Variants in QSOX2 observed in about 807,000 individuals in gnomAD.
The protein encoded by QSOX2 is quiescin sulfhydryl oxidase 2.
A neutral mutation model predicts 61.7 loss-of-function variants in QSOX2; 46 were observed. The observed-to-expected ratio is 0.75, with a 90% CI of 0.59 to 0.95. The LOEUF is 0.95. Ranked by LOEUF, QSOX2 falls within the 40% of genes least tolerant of loss-of-function variation. The pLI is 0.00. For synonymous variants in QSOX2, 383 were observed against 388.4 expected, an observed-to-expected ratio of 0.99 and a Z score of 0.16; for missense variants, 879 against 918.9, an observed-to-expected ratio of 0.96 and a Z score of 0.56.
At position 136,211,353 on chromosome 9, in the gene QSOX2, G is replaced by C; in HGVS notation, c.1460C>G (p.Ala487Gly). Residue 487 changes from alanine to glycine, a missense_variant, in exon 11 of 12, where the codon GCT becomes GGT. By Grantham distance (60) the Ala-to-Gly change is moderately conservative. Coordinates refer to ENST00000358701, the MANE Select transcript of QSOX2 (RefSeq NM_181701.4). ...TTTCACCGAGTCCATGGATTCTTTA[G>C]CCATTTCCTCAAAGTGCTCACCACA... is the stretch of plus-strand genomic sequence containing the variant. ...KECGEHFEEM[A>G]KESMDSVKTP... 6.2e-7 allele frequency: 1 copy of C among 1,614,220 alleles called. No individual in the cohort carries two copies. The highest frequency in any genetic ancestry group is 8.5e-7 in the Non-Finnish European group (1 of 1,180,042).
Position 136,208,611 on chromosome 9 carries a change from G to C in QSOX2, c.*117C>G. The C allele has an allele frequency of 1.6e-6, 2 of 1,259,926 alleles. No individual in the cohort carries two copies. Among genetic ancestry groups the C allele is most frequent in the Non-Finnish European group, 2.1e-6 (2 of 937,704 alleles). The allele number at this position is 1,259,926 out of a possible 1,614,324, so 78.0% of individuals were successfully genotyped here. A position where few individuals can be genotyped will look rare whatever the true frequency, so the allele number is the denominator to read the frequency against. On this transcript the variant is annotated 3_prime_UTR_variant, in exon 12 of 12. Transcript: ENST00000358701. Reference sequence around the variant, plus strand: ...TTGAAGCCAAAAGGTGCCATCCGATGTGAAACCAGGCCCGCATGTTTATAA... The same window carrying C: ...TTGAAGCCAAAAGGTGCCATCCGATCTGAAACCAGGCCCGCATGTTTATAA...
At chr9:136,245,408 G>A in intron 1 of QSOX2, 68 bp downstream of exon 1, 2 of 1,387,974 alleles carry the variant, frequency 1.4e-6, no homozygotes, top group Non-Finnish European at 1.9e-6. Flanking sequence ...TTCTGGGGCG[G>A]TCGCAAGGGG....
At chr9:136,229,423 T>C (rs1830311017) in intron 1 of QSOX2, among the ~76,000 whole-genome samples, 1 of 152,370 alleles carries the variant, frequency 6.6e-6, no homozygotes, top group East Asian at 1.9e-4. Context: ...AGTGTCTCAT[T>C]TCTGTGGCCT....
Position 136,245,787 on chromosome 9 carries a change from GC to G in QSOX2, c.16del (p.Ala6ArgfsTer15). 2 of 1,153,880 alleles carry G rather than the reference GC, an allele frequency of 1.7e-6. No individual in the cohort carries two copies. Among genetic ancestry groups the G allele is most frequent in the Non-Finnish European group, 2.1e-6 (2 of 934,928 alleles). The allele number at this position is 1,153,880 out of a possible 1,614,324, so 71.5% of individuals were successfully genotyped here. A position where few individuals can be genotyped will look rare whatever the true frequency, so the allele number is the denominator to read the frequency against. On this transcript the variant is annotated frameshift_variant, in exon 1 of 12. Coordinates refer to ENST00000358701, the MANE Select transcript of QSOX2 (RefSeq NM_181701.4). LOFTEE classifies it high-confidence loss of function. ...GATTCCCGGGCTGCGCGCCACCGCCGCCCCGGCCGCCGCCATGTTGGAAGTG... is the reference window on the plus strand; with the variant it reads ...GATTCCCGGGCTGCGCGCCACCGCCGCCCGGCCGCCGCCATGTTGGAAGTG... Reference protein sequence around the residue: MAAAGAAVARSPGIGA... With the variant: MAAAGXAVARSPGIGA...
Position 136,245,448 on chromosome 9 carries a change from G to C in QSOX2, c.328+28C>G, listed in dbSNP as rs781833407. 42 of 1,566,466 alleles carry C rather than the reference G, an allele frequency of 2.7e-5. No individual in the cohort carries two copies. The South Asian group carries it at 4.6e-4, about 17-fold the overall frequency. On this transcript the variant is annotated intron_variant, in intron 1 of 11. Coordinates refer to ENST00000358701, the MANE Select transcript of QSOX2 (RefSeq NM_181701.4). ...GGAAGGCCGCGGTCCCGGGGGTCGG[G>C]GGGTCCCCGCGCGGGGGCGCGCCTC...
At chr9:136,227,755 G>A (rs535137885) in intron 1 of QSOX2, among the ~76,000 whole-genome samples, 52 of 152,080 alleles carry the variant, frequency 3.4e-4, no homozygotes, top group Non-Finnish European at 6.3e-4. Context: ...TGGGCAGATC[G>A]TTTAAGCCCA....
At position 136,209,330 on chromosome 9, in the gene QSOX2, G is replaced by A. The variant is rs1015971728; in HGVS notation, c.1550-55C>T. 1.5e-5 allele frequency: 23 copies of A among 1,569,264 alleles called. No homozygotes were observed. The highest frequency in any genetic ancestry group is 5.3e-5 in the Admixed American group (3 of 56,546). ...AGGGAAGGAGGCTTTGTGCAGCCACGTGCAGCGTGCGGCAACCGGACTCCC... is the reference window on the plus strand; with the variant it reads ...AGGGAAGGAGGCTTTGTGCAGCCACATGCAGCGTGCGGCAACCGGACTCCC... On this transcript the variant is annotated intron_variant, in intron 11 of 11. Coordinates refer to ENST00000358701, the MANE Select transcript of QSOX2 (RefSeq NM_181701.4). This position sits in a 1 kb window ranked among gnomAD's most constrained non-coding sequence, Gnocchi z 5.6.
At chr9:136,225,638 C>T (rs754994423) in intron 2 of QSOX2, among the ~76,000 whole-genome samples, 14 of 152,224 alleles carry the variant, frequency 9.2e-5, no homozygotes, top group African/African-American at 1.2e-4. Flanking sequence ...ACCCGGTTCG[C>T]GGCCCAGTGG....
In QSOX2 at chr9:136,224,013, G is replaced by C; in HGVS notation, c.578C>G (p.Pro193Arg). 1 of 1,613,340 alleles carries C rather than the reference G, an allele frequency of 6.2e-7. No individual in the cohort carries two copies. Among genetic ancestry groups the C allele is most frequent in the Non-Finnish European group, 8.5e-7 (1 of 1,179,428 alleles). ...SRPPACPRLD[P>R]IQPSDVLSLL... ...TCTTCATGGAGCTACTCACTGAATG[G>C]GGTCTAGGCGCGGGCAGGCAGGGGG... Residue 193 changes from proline (P) to arginine (R), a missense_variant, in exon 4 of 12, where the codon CCC (proline) becomes CGC (arginine). By Grantham distance (103) the Pro-to-Arg change is moderately radical (BLOSUM62 -2). Coordinates refer to ENST00000358701, the MANE Select transcript of QSOX2 (RefSeq NM_181701.4).
At position 136,224,898 on chromosome 9, in the gene QSOX2, T is replaced by C. The variant is rs542513184; in HGVS notation, c.441A>G (p.Ala147=). The part of the protein sequence containing the change: ...HFYPTFRYFK[A]FTKEFTTGEN... ...CTCCAGTTGTAAACTCCTTTGTAAA[T>C]GCTTTAAAATACTAAGAGGAAAAAC... The change falls in exon 3 of 12, where the codon GCA becomes GCG. Residue 147 remains alanine (A), a synonymous_variant. Coordinates refer to ENST00000358701, the MANE Select transcript of QSOX2 (RefSeq NM_181701.4). 4.4e-6 allele frequency: 7 copies of C among 1,605,318 alleles called. No homozygotes were observed. The South Asian group carries it at 7.8e-5, about 18-fold the overall frequency.
In QSOX2 at chr9:136,208,611, G is replaced by A; in HGVS notation, c.*117C>T. On this transcript the variant is annotated 3_prime_UTR_variant, in exon 12 of 12. Coordinates refer to ENST00000358701, the MANE Select transcript of QSOX2 (RefSeq NM_181701.4). ...TTGAAGCCAAAAGGTGCCATCCGATGTGAAACCAGGCCCGCATGTTTATAA... is the reference window on the plus strand; with the variant it reads ...TTGAAGCCAAAAGGTGCCATCCGATATGAAACCAGGCCCGCATGTTTATAA... 7.9e-7 allele frequency: 1 copy of A among 1,259,926 alleles called. No individual in the cohort carries two copies. The highest frequency in any genetic ancestry group is 1.7e-5 in the South Asian group (1 of 58,914). The allele number at this position is 1,259,926 out of a possible 1,614,324, so 78.0% of individuals were successfully genotyped here.
At chr9:136,213,342 A>G (rs1372629115) in intron 10 of QSOX2, among the ~76,000 whole-genome samples, 1 of 144,828 alleles carries the variant, frequency 6.9e-6, no homozygotes, top group African/African-American at 2.6e-5. Flanking sequence ...TGCTGGGATT[A>G]CAGGTGTGAG....
chr9:136,225,517 GC>G (rs1830272282), intron 2 of QSOX2, among the ~76,000 whole-genome samples: 1 of 152,238 alleles, frequency 6.6e-6, no homozygotes, highest in Non-Finnish European at 1.5e-5. Context: ...TGCTGGCACT[GC>G]AGCCGCCAGG....
chr9:136,224,221 G>A (rs1402704684), intron 3 of QSOX2, 109 bp from the exon 4 acceptor site: 1 of 799,836 alleles, frequency 1.3e-6, no homozygotes, highest in Non-Finnish European at 2.0e-6. Context: ...AAGACAGCAG[G>A]GTGCAGGTGG....
Position 136,224,848 on chromosome 9 carries a change from C to T in QSOX2, c.478+13G>A, listed in dbSNP as rs1830264841. ...GAATCTCAGGGACTAAAATACAATG[C>T]TTATGTCCTTACCTTTAAAATTTTC... On this transcript the variant is annotated intron_variant, in intron 3 of 11. Transcript: ENST00000358701. The T allele has an allele frequency of 2.6e-6, 4 of 1,565,518 alleles. No homozygotes were observed. In the African/African-American group the frequency reaches 4.1e-5, roughly 16 times the overall value.
chr9:136,212,759 A>G (rs1230830628), intron 10 of QSOX2, among the ~76,000 whole-genome samples: 1 of 152,228 alleles, frequency 6.6e-6, no homozygotes, highest in African/African-American at 2.4e-5. Flanking sequence ...GTGGACAAGA[A>G]CCATAAACCT....
rs1831781398 is a variant in QSOX2 at position 136,207,405 on chromosome 9, G to GACACACA, written c.*1322_*1323insTGTGTGT. 1 of 121,740 alleles carries GACACACA rather than the reference G, an allele frequency of 8.2e-6. No individual in the cohort carries two copies. The highest frequency in any genetic ancestry group is 1.7e-5 in the Non-Finnish European group (1 of 58,502). 7.5% of individuals were successfully genotyped at this position (121,740 alleles called of 1,614,324 possible). Reference sequence around the variant, plus strand: ...CACACACACACACACACACACACGGGCACACAAATACATCTGAGCCTATTT... The same window carrying GACACACA: ...CACACACACACACACACACACACGGGACACACACACACAAATACATCTGAGCCTATTT... On this transcript the variant is annotated 3_prime_UTR_variant, in exon 12 of 12. Coordinates refer to ENST00000358701, the MANE Select transcript of QSOX2 (RefSeq NM_181701.4).
chr9:136,221,553 G>A lies in QSOX2; in HGVS notation c.821+243C>T, dbSNP rs1831980850. Among the ~76,000 whole-genome samples the A allele has an allele frequency of 6.6e-6, 1 of 152,244 alleles. No homozygotes were observed. The highest frequency in any genetic ancestry group is 1.5e-5 in the Non-Finnish European group (1 of 68,048). On this transcript the variant is annotated intron_variant, in intron 6 of 11. Coordinates refer to ENST00000358701, the MANE Select transcript of QSOX2 (RefSeq NM_181701.4). This position sits in a 1 kb window ranked among gnomAD's most constrained non-coding sequence, Gnocchi z 4.5. ...CGGTTTCCTCTGCGACTCTTGGTAA[G>A]TCACCACGCCAGGCTCCTCCTAGGT...
At chr9:136,210,383 CG>C in intron 11 of QSOX2, 4 of 985,438 alleles carry the variant, frequency 4.1e-6, no homozygotes, top group Non-Finnish European at 4.8e-6. Context: ...GGGGCACATG[CG>C]GGCTGGGGCC....
Sources: allele counts gnomAD v4.1 joint callset (sites outside exome capture counted in the v4.1 genomes callset), GRCh38; gene constraint gnomAD v4.1.1; non-coding constraint Gnocchi (gnomAD v3.1); transcripts MANE v1.5; gene names NCBI Gene and HGNC (gene_info 2026-07-23, HGNC 2026-07-21).